The following PPP3CC variants were observed in gnomAD, a reference collection of about 807,000 sequenced individuals.
PPP3CC encodes serine/threonine-protein phosphatase 2B catalytic subunit gamma isoform.
Under a neutral mutation model 60.3 loss-of-function variants are expected in PPP3CC, and 35 were observed. That is an observed-to-expected ratio of 0.58 (90% CI 0.44 to 0.77). The LOEUF (loss-of-function observed/expected upper bound fraction) is 0.77. Among genes scored for constraint, PPP3CC ranks in the 30% least tolerant of loss-of-function variants. The pLI, the probability that PPP3CC is intolerant of heterozygous loss-of-function variation, is 0.00. For synonymous variants in PPP3CC, 206 were observed against 224.3 expected (o/e 0.92, Z 0.73); for missense variants, 570 against 628.9 (o/e 0.91, Z 1.00).
intron 8 of PPP3CC, among the ~76,000 whole-genome samples, chr8:22,525,790 G>A (rs940705059): frequency 4.6e-5 from 7 of 151,722 alleles, no homozygotes; most frequent in African/African-American, 7.3e-5. Context: ...AAACTCCTGA[G>A]CTTAAGCAGT....
chr8:22,451,161 A>T (rs187098801), intron 1 of PPP3CC, among the ~76,000 whole-genome samples: 4 of 140,816 alleles, frequency 2.8e-5, no homozygotes, highest in Admixed American at 7.2e-5. Flanking sequence ...TTTGAGACAG[A>T]GTCTCACTCT....
chr8:22,522,535 CAATT>C lies in PPP3CC; in HGVS notation c.817_820del (p.Ile273SerfsTer35). On this transcript the variant is annotated frameshift_variant, in exon 7 of 14. Coordinates refer to ENST00000240139, the MANE Select transcript of PPP3CC (RefSeq NM_005605.5). LOFTEE classifies it high-confidence loss of function. ...TTTTTGCAGAACAATAATTTACTAT[CAATT>C]ATCAGAGCCCATGAAGCCCAAGATG... is the stretch of plus-strand genomic sequence containing the variant. 6.2e-7 allele frequency: 1 copy of C among 1,612,474 alleles called. No individual in the cohort carries two copies. The highest frequency in any genetic ancestry group is 8.5e-7 in the Non-Finnish European group (1 of 1,179,168).
chr8:22,509,001 A>G (rs941298125), intron 4 of PPP3CC, among the ~76,000 whole-genome samples: 6 of 152,246 alleles, frequency 3.9e-5, no homozygotes, highest in Non-Finnish European at 7.3e-5. Context: ...TACAACAGCA[A>G]TACAAAATGT....
chr8:22,442,868 G>A (rs373000809), intron 1 of PPP3CC, among the ~76,000 whole-genome samples: 76 of 152,202 alleles, frequency 5.0e-4, no homozygotes, highest in African/African-American at 1.7e-3. Context: ...TAGCAGTTTC[G>A]TCCTGTACTA....
intron 6 of PPP3CC, among the ~76,000 whole-genome samples, chr8:22,520,112 T>G (rs1839365513): frequency 3.3e-3 from 1 of 306 alleles, no homozygotes; most frequent in Non-Finnish European, 5.3e-3. Context: ...GTTGGCAGGT[T>G]TTTTTTTCTT....
intron 3 of PPP3CC, chr8:22,493,043 T>C: frequency 2.9e-6 from 4 of 1,396,118 alleles, no homozygotes; most frequent in Non-Finnish European, 4.0e-6. Context: ...AAGTTCCAGC[T>C]CTTGTGGAGA....
chr8:22,516,729 G>C (rs1184833702), intron 6 of PPP3CC, among the ~76,000 whole-genome samples: 1 of 152,146 alleles, frequency 6.6e-6, no homozygotes, highest in Admixed American at 6.5e-5. Context: ...AGTGAAAGAT[G>C]TTTTATGTTT....
chr8:22,474,746 C>A (rs1837835379), intron 1 of PPP3CC, among the ~76,000 whole-genome samples: 1 of 152,000 alleles, frequency 6.6e-6, no homozygotes, highest in African/African-American at 2.4e-5. Flanking sequence ...TATGCACACA[C>A]AAATATTTAA....
rs1305933318 is a variant in PPP3CC at position 22,441,238 on chromosome 8, C to T, written c.-172C>T. ...TCGTCCTGTCAGTGGCGTCGGAGGC[C>T]GGCGCTGCGGTGGCCGCGCCCTTCT... On this transcript the variant is annotated 5_prime_UTR_variant, in exon 1 of 14. Transcript: ENST00000240139. 3 of 522,456 alleles carry T rather than the reference C, an allele frequency of 5.7e-6. No homozygotes were observed. The highest frequency in any genetic ancestry group is 4.0e-5 in the African/African-American group (2 of 49,514). The allele number at this position is 522,456 out of a possible 1,614,324, so 32.4% of individuals were successfully genotyped here.
intron 3 of PPP3CC, 57 bp downstream of exon 3, chr8:22,475,681 T>C: frequency 6.9e-7 from 1 of 1,458,306 alleles, no homozygotes; most frequent in Non-Finnish European, 9.2e-7. Flanking sequence ...AAAAGATGAT[T>C]TCCATTCTTC....
intron 3 of PPP3CC, among the ~76,000 whole-genome samples, chr8:22,483,849 A>G (rs555798497): frequency 6.6e-6 from 1 of 151,798 alleles, no homozygotes; most frequent in Non-Finnish European, 1.5e-5. Flanking sequence ...ATTAAAAAAA[A>G]TTTTTTTAAG....
At chr8:22,484,463 A>G (rs2132484758) in intron 3 of PPP3CC, among the ~76,000 whole-genome samples, 1 of 152,336 alleles carries the variant, frequency 6.6e-6, no homozygotes, top group African/African-American at 2.4e-5. Context: ...AAAAAACAGT[A>G]GGATCCAGAT....
In PPP3CC at chr8:22,475,069, A is replaced by G. The variant is rs769040257; in HGVS notation, c.165A>G (p.Glu55=). Residue 55 remains glutamate, a synonymous_variant, in exon 2 of 14, where the codon GAA becomes GAG. Coordinates refer to ENST00000240139, the MANE Select transcript of PPP3CC (RefSeq NM_005605.5). ...TAAAGGAAGGACGACTGGAAGAGGA[A>G]GTAGCCTTAAAGATAATCAATGATG... The part of the protein sequence containing the change: ...HLVKEGRLEE[E]VALKIINDGA... 6.2e-7 allele frequency: 1 copy of G among 1,613,770 alleles called. No homozygotes were observed. Among genetic ancestry groups the G allele is most frequent in the South Asian group, 1.1e-5 (1 of 91,040 alleles).
intron 3 of PPP3CC, chr8:22,492,562 AC>A: frequency 2.6e-6 from 1 of 391,658 alleles, no homozygotes; most frequent in Non-Finnish European, 4.7e-6. Context: ...TCCACCCGAG[AC>A]CCCCAAGCAC....
intron 1 of PPP3CC, among the ~76,000 whole-genome samples, chr8:22,459,305 T>C (rs1193606761): frequency 6.6e-6 from 1 of 152,230 alleles, no homozygotes; most frequent in Non-Finnish European, 1.5e-5. Flanking sequence ...AATTTCTTAC[T>C]TTTCTTTAGT....
chr8:22,535,773 C>T (rs987312407), intron 12 of PPP3CC, among the ~76,000 whole-genome samples: 3 of 152,206 alleles, frequency 2.0e-5, no homozygotes, highest in Admixed American at 6.5e-5. Context: ...GGTCTGTTGC[C>T]CACGCTGGAG....
chr8:22,501,886 G>T (rs936912335), intron 4 of PPP3CC, among the ~76,000 whole-genome samples: 2 of 152,178 alleles, frequency 1.3e-5, no homozygotes, highest in Non-Finnish European at 2.9e-5. Context: ...CAGTCAGCCT[G>T]CATGGTGGTA....
At chr8:22,493,793 A>G (rs935389328) in intron 3 of PPP3CC, among the ~76,000 whole-genome samples, 4 of 152,192 alleles carry the variant, frequency 2.6e-5, no homozygotes, top group African/African-American at 7.2e-5. Context: ...TTCTTTTGTA[A>G]ATAGAAGGAA....
At chr8:22,485,057 G>C (rs1408262716) in intron 3 of PPP3CC, among the ~76,000 whole-genome samples, 1 of 152,074 alleles carries the variant, frequency 6.6e-6, no homozygotes, top group Non-Finnish European at 1.5e-5. Context: ...TGGTCTTTTA[G>C]TTTAAGGAAC....
Sources: gnomAD v4.1 joint callset for allele counts (sites outside exome capture counted in the v4.1 genomes callset) on GRCh38, gnomAD v4.1.1 for gene constraint, MANE v1.5 for transcripts, NCBI Gene and HGNC (gene_info 2026-07-23, HGNC 2026-07-21) for gene names.